The following PDE4D variants were observed in gnomAD, a reference collection of about 807,000 sequenced individuals.
PDE4D encodes phosphodiesterase 4D, also known as 3',5'-cyclic-AMP phosphodiesterase 4D.
A neutral mutation model predicts 87.4 loss-of-function variants in PDE4D; 24 were observed. That is an observed-to-expected ratio of 0.27 (90% CI 0.20 to 0.39). PDE4D has a LOEUF of 0.39. Ranked by LOEUF, PDE4D falls within the 10% of genes least tolerant of loss-of-function variation. The pLI, the probability that PDE4D is intolerant of heterozygous loss-of-function variation, is 1.00. For synonymous variants in PDE4D, 384 were observed against 383.2 expected, an observed-to-expected ratio of 1.00 and a Z score of -0.02; for missense variants, 714 against 1,041.0, an observed-to-expected ratio of 0.69 and a Z score of 4.32.
rs776500303 is a variant in PDE4D, at chr5:60,059,644, A to T, written c.43-70927T>A. Among the ~76,000 whole-genome samples, 8 of 152,096 alleles carry T rather than the reference A, an allele frequency of 5.3e-5. No individual in the cohort carries two copies. In the South Asian group the frequency reaches 6.2e-4, roughly 12 times the overall value. The stretch of plus-strand genomic sequence containing the variant: ...CCTTTCCAGAAAGGCTAAGAATTCC[A>T]AAACACCACATGCAATGAAGACAGG... On this transcript the variant is annotated intron_variant, in intron 2 of 16. Transcript: ENST00000502484.
At chr5:60,321,790 A>G (rs893521053) in intron 1 of PDE4D, among the ~76,000 whole-genome samples, 4 of 152,232 alleles carry the variant, frequency 2.6e-5, no homozygotes, top group African/African-American at 9.6e-5. Flanking sequence ...ATATGTAAAA[A>G]TGTTCAACAT....
chr5:59,496,411 A>G lies in PDE4D; in HGVS notation c.456-280443T>C, dbSNP rs114766866. ...AAGGCTGGAGTGCCTGTCCTCACCTAGGTCCGTGGGCACAGGCCTGGGGGT... is the reference window on the plus strand; with the variant it reads ...AAGGCTGGAGTGCCTGTCCTCACCTGGGTCCGTGGGCACAGGCCTGGGGGT... On this transcript the variant is annotated intron_variant, in intron 1 of 14. Coordinates refer to ENST00000340635, the MANE Select transcript of PDE4D (RefSeq NM_001104631.2). 7.2e-3 allele frequency among the ~76,000 whole-genome samples: 1,097 copies of G among 152,242 alleles called. 3 individuals are homozygous for G. The highest frequency in any genetic ancestry group is 0.014 in the South Asian group (68 of 4,824).
chr5:59,079,666 T>TTAATAATAATAA lies in PDE4D; in HGVS notation c.809-40707_809-40696dup, dbSNP rs148255590. Reference sequence around the variant, plus strand: ...CATAGCAGGACCCATCTCTACAAAATTAATAATAATAATAATAATAATAAT... The same window carrying TTAATAATAATAA: ...CATAGCAGGACCCATCTCTACAAAATTAATAATAATAATAATAATAATAATAATAATAATAAT... On this transcript the variant is annotated intron_variant, in intron 5 of 14. Transcript: ENST00000340635. Among the ~76,000 whole-genome samples the TTAATAATAATAA allele has an allele frequency of 9.0e-3, 1,315 of 146,198 alleles. 8 individuals are homozygous for TTAATAATAATAA. Among genetic ancestry groups the TTAATAATAATAA allele is most frequent in the Middle Eastern group, 0.014 (4 of 284 alleles).
chr5:59,763,519 A>G (rs1010892611), intron 1 of PDE4D, among the ~76,000 whole-genome samples: 6 of 152,176 alleles, frequency 3.9e-5, no homozygotes, highest in Non-Finnish European at 8.8e-5. Flanking sequence ...GAAAACCAGC[A>G]TTTCTACCTT....
At chr5:59,598,767 CAGA>C (rs147015361) in intron 1 of PDE4D, among the ~76,000 whole-genome samples, 6,777 of 152,106 alleles carry the variant, frequency 0.045, 211 homozygotes, top group Middle Eastern at 0.088. Context: ...TGGACTAGGA[CAGA>C]AGGACATTAC....
intron 5 of PDE4D, among the ~76,000 whole-genome samples, chr5:59,060,308 A>T (rs1049488017): frequency 6.6e-6 from 1 of 152,092 alleles, no homozygotes; most frequent in African/African-American, 2.4e-5. Flanking sequence ...CAACTTTCAG[A>T]TTTTACATGA....
intron 1 of PDE4D, among the ~76,000 whole-genome samples, chr5:59,626,467 C>A (rs1830916289): frequency 6.6e-6 from 1 of 152,144 alleles, no homozygotes; most frequent in Admixed American, 6.5e-5. Flanking sequence ...GACTGCTTTA[C>A]AGAACAAATG....
In PDE4D at chr5:59,794,137, G is replaced by GCACA. The variant is rs58204799; in HGVS notation, c.455+99027_455+99030dup. Among the ~76,000 whole-genome samples the GCACA allele has an allele frequency of 4.0e-3, 580 of 145,052 alleles. 4 individuals carry two copies. The highest frequency in any genetic ancestry group is 0.013 in the East Asian group (62 of 4,764). Reference sequence around the variant, plus strand: ...GATACACAGACACACACACAGAGGCGCACACACACACACACACACACACAC... The same window carrying GCACA: ...GATACACAGACACACACACAGAGGCGCACACACACACACACACACACACACACAC... On this transcript the variant is annotated intron_variant, in intron 1 of 14. Transcript: ENST00000340635.
At chr5:59,912,560 A>G (rs1472932321) in intron 3 of PDE4D, among the ~76,000 whole-genome samples, 1 of 152,228 alleles carries the variant, frequency 6.6e-6, no homozygotes. Flanking sequence ...TAGATCAGTT[A>G]ATTTTGTGTT....
chr5:59,655,386 A>G (rs1314122955), intron 1 of PDE4D, among the ~76,000 whole-genome samples: 1 of 152,204 alleles, frequency 6.6e-6, no homozygotes, highest in African/African-American at 2.4e-5. Flanking sequence ...GCACTTACTG[A>G]TAAGTTCCTC....
At chr5:60,127,354 T>C (rs1779206489) in intron 2 of PDE4D, among the ~76,000 whole-genome samples, 1 of 152,144 alleles carries the variant, frequency 6.6e-6, no homozygotes, top group African/African-American at 2.4e-5. Context: ...TGGTGAGTGA[T>C]AAGGTTGGAC....
chr5:60,210,573 C>CA (rs937145766), intron 1 of PDE4D, among the ~76,000 whole-genome samples: 1 of 151,942 alleles, frequency 6.6e-6, no homozygotes, highest in Non-Finnish European at 1.5e-5. Context: ...AAGGCTTTCC[C>CA]AAAAAGGAAA....
At chr5:59,302,355 C>T (rs4700335) in intron 1 of PDE4D, among the ~76,000 whole-genome samples, 18,418 of 152,110 alleles carry the variant, frequency 0.12, 1,170 homozygotes, top group East Asian at 0.21. Flanking sequence ...CAATAAACTT[C>T]TGACTTAAAT....
intron 1 of PDE4D, among the ~76,000 whole-genome samples, chr5:60,350,751 G>A (rs1398889437): frequency 6.6e-6 from 1 of 151,952 alleles, no homozygotes; most frequent in Non-Finnish European, 1.5e-5. Flanking sequence ...AAACTGTTTG[G>A]GCCAAACAAA....
chr5:59,247,886 C>T (rs1196298382), intron 1 of PDE4D, among the ~76,000 whole-genome samples: 3 of 151,458 alleles, frequency 2.0e-5, no homozygotes, highest in Non-Finnish European at 2.9e-5. Context: ...GCTTATCTTC[C>T]GTCCCTGAGA....
intron 1 of PDE4D, among the ~76,000 whole-genome samples, chr5:59,724,166 C>G (rs1756261383): frequency 6.6e-6 from 1 of 151,958 alleles, no homozygotes; most frequent in Non-Finnish European, 1.5e-5. Flanking sequence ...TCACTGGAAA[C>G]CTGGAGAGAA....
At chr5:60,197,177 T>A (rs1484483675) in intron 1 of PDE4D, among the ~76,000 whole-genome samples, 1 of 151,214 alleles carries the variant, frequency 6.6e-6, no homozygotes, top group Non-Finnish European at 1.5e-5. Flanking sequence ...GAGTGAGGAA[T>A]AGTGAGAAAT....
At chr5:59,708,745 G>A (rs2150496890) in intron 1 of PDE4D, among the ~76,000 whole-genome samples, 1 of 152,188 alleles carries the variant, frequency 6.6e-6, no homozygotes, top group East Asian at 1.9e-4. Flanking sequence ...AATTAGCTAT[G>A]TCAATTCATG....
intron 1 of PDE4D, among the ~76,000 whole-genome samples, chr5:59,488,107 G>A (rs1170152819): frequency 6.9e-6 from 1 of 145,110 alleles, no homozygotes; most frequent in Non-Finnish European, 1.5e-5. Flanking sequence ...TTTCACCCCG[G>A]TCACTATTTA....
Sources: allele counts gnomAD v4.1 joint callset (sites outside exome capture counted in the v4.1 genomes callset), GRCh38; gene constraint gnomAD v4.1.1; transcripts MANE v1.5; gene names NCBI Gene and HGNC (gene_info 2026-07-23, HGNC 2026-07-21).